Variants in ZC3H12B observed in about 807,000 individuals in gnomAD.
ZC3H12B encodes the protein zinc finger CCCH-type containing 12B, also known as probable ribonuclease ZC3H12B.
ZC3H12B carries 7 observed loss-of-function variants against 43.9 expected under a neutral mutation model. That is an observed-to-expected ratio of 0.16 (90% confidence interval 0.09 to 0.30). The LOEUF is 0.30. Ranked by LOEUF, ZC3H12B falls within the 10% of genes least tolerant of loss-of-function variation. ZC3H12B has a pLI of 1.00. For missense variants in ZC3H12B, 475 were observed against 670.2 expected (o/e 0.71, Z 3.22); for synonymous variants, 222 against 241.7 (o/e 0.92, Z 0.76).
chrX:65,095,117 C>T, the ZC3H12B span, among the ~76,000 whole-genome samples: 2 of 111,819 alleles, frequency 1.8e-5, no homozygotes, highest in African/African-American at 6.5e-5. Flanking sequence ...TTGACAGCTT[C>T]TAAATACTTA....
intron 3 of ZC3H12B, among the ~76,000 whole-genome samples, chrX:65,448,543 A>T (rs1347754488): frequency 1.8e-5 from 2 of 111,871 alleles, no homozygotes; most frequent in African/African-American, 6.5e-5. Context: ...GGGACCGGGC[A>T]CTGTGGCTCA....
chrX:65,389,409 C>G (rs1356349684), intron 2 of ZC3H12B, among the ~76,000 whole-genome samples: 1 of 112,487 alleles, frequency 8.9e-6, no homozygotes, highest in Non-Finnish European at 1.9e-5. Context: ...GTGAGCGGGG[C>G]TCCATGGGCG....
At chrX:65,400,147 C>T (rs1346192420) in intron 3 of ZC3H12B, among the ~76,000 whole-genome samples, 1 of 110,665 alleles carries the variant, frequency 9.0e-6, no homozygotes, top group Admixed American at 9.7e-5. Context: ...AAAAAGTAAA[C>T]AATATTTTAA....
the ZC3H12B span, among the ~76,000 whole-genome samples, chrX:65,065,557 C>T: frequency 9.0e-6 from 1 of 111,641 alleles, no homozygotes; most frequent in African/African-American, 3.3e-5. Flanking sequence ...TGATTTATCT[C>T]TCTCTCTGCC....
At chrX:65,176,522 G>A in the ZC3H12B span, among the ~76,000 whole-genome samples, 3 of 111,190 alleles carry the variant, frequency 2.7e-5, no homozygotes, top group Non-Finnish European at 5.7e-5. Flanking sequence ...TCCCAGCACA[G>A]CACTGGAGCT....
chrX:65,174,292 C>A, the ZC3H12B span, among the ~76,000 whole-genome samples: 1 of 112,056 alleles, frequency 8.9e-6, no homozygotes, highest in African/African-American at 3.3e-5. Context: ...GAAGAATACT[C>A]CTTGTTTTTC....
rs191881764 is a variant in ZC3H12B, at chrX:65,394,635, T to C, written n.296-3958T>C. On this transcript the variant is annotated intron_variant and non_coding_transcript_variant, in intron 2 of 5. Coordinates refer to the ZC3H12B transcript ENST00000617377. ...TAGTATAGTTTGAAGTCAGGTAGCC[T>C]AATGCCTCTAGCTTTGTTCTTTTTA... Among the ~76,000 whole-genome samples the C allele has an allele frequency of 3.6e-5, 4 of 112,002 alleles. No individual in the cohort carries two copies. In the Admixed American group the frequency reaches 3.8e-4, roughly 11 times the overall value.
chrX:65,150,622 G>A, the ZC3H12B span, among the ~76,000 whole-genome samples: 6 of 111,350 alleles, frequency 5.4e-5, no homozygotes, highest in East Asian at 1.7e-3. Flanking sequence ...GTTTGTTGAA[G>A]ATGATGACTT....
the ZC3H12B span, among the ~76,000 whole-genome samples, chrX:65,329,501 C>T: frequency 1.1e-5 from 1 of 88,744 alleles, no homozygotes; most frequent in East Asian, 2.8e-4. Flanking sequence ...TTGTAGGTTG[C>T]CTGTTCACTC....
chrX:65,358,431 A>G, the ZC3H12B span, among the ~76,000 whole-genome samples: 1 of 111,798 alleles, frequency 8.9e-6, no homozygotes, highest in Admixed American at 9.5e-5. Flanking sequence ...ACATAATTGG[A>G]AGTAAAACGC....
chrX:65,064,802 C>T, the ZC3H12B span, among the ~76,000 whole-genome samples: 1 of 111,835 alleles, frequency 8.9e-6, no homozygotes, highest in Non-Finnish European at 1.9e-5. Context: ...TCTCTTAGAA[C>T]TTGCTTTATG....
At chrX:65,191,961 C>A in the ZC3H12B span, among the ~76,000 whole-genome samples, 10 of 107,235 alleles carry the variant, frequency 9.3e-5, no homozygotes, top group Non-Finnish European at 1.7e-4. Flanking sequence ...TCCCTCTACA[C>A]ACTGCCTTGA....
chrX:65,444,404 A>T (rs749101453), intron 3 of ZC3H12B, among the ~76,000 whole-genome samples: 2 of 110,731 alleles, frequency 1.8e-5, no homozygotes, highest in Non-Finnish European at 3.8e-5. Context: ...CATTGTAGTG[A>T]ATAAGTCTCA....
the ZC3H12B span, among the ~76,000 whole-genome samples, chrX:65,277,977 G>GA: frequency 1.8e-4 from 20 of 109,747 alleles, no homozygotes; most frequent in East Asian, 2.8e-4. Context: ...GAATAAATAA[G>GA]AAAAAAAATG....
At chrX:65,293,177 T>G in the ZC3H12B span, among the ~76,000 whole-genome samples, 1 of 111,260 alleles carries the variant, frequency 9.0e-6, no homozygotes, top group Admixed American at 9.5e-5. Context: ...ACCACAGGAC[T>G]CTTTCCAGAT....
the ZC3H12B span, among the ~76,000 whole-genome samples, chrX:65,219,848 A>G: frequency 1.8e-5 from 2 of 109,454 alleles, no homozygotes; most frequent in African/African-American, 3.3e-5. Context: ...ACACACACAC[A>G]CACAAAACAC....
At chrX:65,409,667 T>C (rs2066880149) in intron 3 of ZC3H12B, among the ~76,000 whole-genome samples, 1 of 110,566 alleles carries the variant, frequency 9.0e-6, no homozygotes. Context: ...CAATTGCATT[T>C]CTACATCCCA....
At chrX:65,313,722 C>T in the ZC3H12B span, among the ~76,000 whole-genome samples, 1 of 111,913 alleles carries the variant, frequency 8.9e-6, no homozygotes, top group Non-Finnish European at 1.9e-5. Context: ...ATTTTAATAC[C>T]ATACTTAATA....
chrX:65,161,006 A>G, the ZC3H12B span, among the ~76,000 whole-genome samples: 1 of 110,498 alleles, frequency 9.0e-6, no homozygotes, highest in African/African-American at 3.3e-5. Context: ...TTCTGCCTTC[A>G]TTTTGTTATG....
Sources: gnomAD v4.1 joint callset for allele counts (sites outside exome capture counted in the v4.1 genomes callset) on GRCh38, gnomAD v4.1.1 for gene constraint, MANE v1.5 for transcripts, NCBI Gene and HGNC (gene_info 2026-07-23, HGNC 2026-07-21) for gene names.